MDGA1: variants seen among roughly 807,000 people sequenced by gnomAD.
The protein encoded by MDGA1 is MAM domain-containing glycosylphosphatidylinositol anchor protein 1.
A neutral mutation model predicts 101.5 loss-of-function variants in MDGA1; 54 were observed. The ratio of observed to expected loss-of-function variants is 0.53; its 90% CI spans 0.43 to 0.67. The LOEUF (loss-of-function observed/expected upper bound fraction) is 0.67, where lower values mean the gene tolerates loss of function less well. Among genes scored for constraint, MDGA1 ranks in the 30% least tolerant of loss-of-function variants. MDGA1 has a pLI of 0.00. For missense variants in MDGA1, 1,083 were observed against 1,323.8 expected (o/e 0.82, Z 2.82); for synonymous variants, 533 against 558.3 (o/e 0.95, Z 0.64).
intron 1 of MDGA1, among the ~76,000 whole-genome samples, chr6:37,667,732 C>T (rs1293147518): frequency 6.6e-6 from 1 of 152,224 alleles, no homozygotes; most frequent in Non-Finnish European, 1.5e-5. Context: ...ATCTTGGACA[C>T]TGTGGCTTGC....
Position 37,646,300 on chromosome 6 carries a change from G to T in MDGA1, c.2122C>A (p.Leu708Met). The T allele has an allele frequency of 6.3e-7, 1 of 1,599,918 alleles. No homozygotes were observed. Among genetic ancestry groups the T allele is most frequent in the Non-Finnish European group, 8.5e-7 (1 of 1,172,694 alleles). The change falls in exon 11 of 17, where the codon CTG becomes ATG. Residue 708 changes from leucine (L) to methionine (M), a missense_variant. Physicochemically the swap from Leu to Met is conservative, Grantham distance 15. Transcript: ENST00000434837. ...VEKGQLLEYI[L>M]TDLRVPHSYE... is the part of the protein sequence containing the mutation. ...CTGTGGGGCACACGGAGATCGGTCA[G>T]GATGTACTCCAGCAGCTGCCCCTTC...
rs61151079 is a variant in MDGA1, at chr6:37,632,331, C to CACGAGG, written c.*5036_*5037insCCTCGT. On this transcript the variant is annotated 3_prime_UTR_variant, in exon 17 of 17. Coordinates refer to ENST00000434837, the MANE Select transcript of MDGA1 (RefSeq NM_153487.4). Reference sequence around the variant, plus strand: ...TTGGTATTTGCTGAATGAACAAATGCACACAAGTTCACTGGGAGCAGACCA... The same window carrying CACGAGG: ...TTGGTATTTGCTGAATGAACAAATGCACGAGGACACAAGTTCACTGGGAGCAGACCA... 0.15 allele frequency: 23,506 copies of CACGAGG among 152,122 alleles called. 2,126 individuals carry two copies. Among genetic ancestry groups the CACGAGG allele is most frequent in the African/African-American group, 0.23 (9,477 of 41,442 alleles). 9.4% of individuals were successfully genotyped at this position (152,122 alleles called of 1,614,324 possible).
intron 11 of MDGA1, 107 bp from the exon 12 acceptor site, chr6:37,646,063 C>A (rs1761186271): frequency 1.3e-6 from 2 of 1,584,570 alleles, no homozygotes; most frequent in African/African-American, 2.7e-5. Context: ...GGACTGGGGG[C>A]CAGCGGATCT....
rs776359622 is a variant in MDGA1, at chr6:37,652,267, G to T, written c.1056C>A (p.Asp352Glu). 1 of 1,613,964 alleles carries T rather than the reference G, an allele frequency of 6.2e-7. No homozygotes were observed. The highest frequency in any genetic ancestry group is 8.5e-7 in the Non-Finnish European group (1 of 1,179,896). ...CATCCACGTGGCACGATAGCTTCAGGTCCTGGCCCAGCTGGATGTTCTCAC... is the reference window on the plus strand; with the variant it reads ...CATCCACGTGGCACGATAGCTTCAGTTCCTGGCCCAGCTGGATGTTCTCAC... ...KESENIQLGQ[D>E]LKLSCHVDAV... is the part of the protein sequence containing the mutation. The change falls in exon 7 of 17, where the codon GAC becomes GAA. Residue 352 changes from aspartate to glutamate, a missense_variant. By Grantham distance (45) the Asp-to-Glu change is conservative (BLOSUM62 2). Around this residue, in one of 3 missense-constraint regions of MDGA1, gnomAD observed 116 missense variants for 196.6 expected, o/e 0.59. Transcript: ENST00000434837. This position sits in a 1 kb window ranked among gnomAD's most constrained non-coding sequence, Gnocchi z 4.3.
At chr6:37,657,610 G>A (rs1761521228) in intron 3 of MDGA1, among the ~76,000 whole-genome samples, 1 of 152,210 alleles carries the variant, frequency 6.6e-6, no homozygotes, top group African/African-American at 2.4e-5. Flanking sequence ...CTAATAGGTA[G>A]GTTCATTATA....
At chr6:37,656,661 C>G (rs997257868) in intron 3 of MDGA1, among the ~76,000 whole-genome samples, 7 of 152,248 alleles carry the variant, frequency 4.6e-5, no homozygotes, top group African/African-American at 1.7e-4. Context: ...GTGTGAACCA[C>G]TGCATCCGGC....
chr6:37,666,262 A>G (rs1282617646), intron 1 of MDGA1, among the ~76,000 whole-genome samples: 1 of 150,828 alleles, frequency 6.6e-6, no homozygotes, highest in African/African-American at 2.4e-5. Context: ...CAGGAAGCTG[A>G]GGCAGGAGAA....
chr6:37,646,485 A>T, intron 10 of MDGA1, 110 bp from the exon 11 acceptor site: 3 of 884,260 alleles, frequency 3.4e-6, no homozygotes, highest in Non-Finnish European at 4.7e-6. Flanking sequence ...GGCTGTCTTC[A>T]TAATAAAAAT....
At chr6:37,669,335 GGAT>G (rs1478583002) in intron 1 of MDGA1, among the ~76,000 whole-genome samples, 2 of 152,084 alleles carry the variant, frequency 1.3e-5, no homozygotes, top group Non-Finnish European at 2.9e-5. Context: ...CACTGTCCTG[GGAT>G]GATATTAACC....
At chr6:37,664,688 C>T (rs1761705309) in intron 1 of MDGA1, among the ~76,000 whole-genome samples, 1 of 148,154 alleles carries the variant, frequency 6.7e-6, no homozygotes, top group Non-Finnish European at 1.5e-5. Context: ...TGGAAACAGG[C>T]TGAGACTAAG....
At chr6:37,675,580 A>T (rs1761962037) in intron 1 of MDGA1, among the ~76,000 whole-genome samples, 1 of 152,190 alleles carries the variant, frequency 6.6e-6, no homozygotes, top group South Asian at 2.1e-4. Context: ...GGTGGGCTGA[A>T]AGTAGTAATA....
In MDGA1 at chr6:37,638,615, G is replaced by C. The variant is rs371073924; in HGVS notation, c.2589C>G (p.His863Gln). 1.9e-6 allele frequency: 3 copies of C among 1,613,950 alleles called. No homozygotes were observed. The highest frequency in any genetic ancestry group is 8.5e-7 in the Non-Finnish European group (1 of 1,179,864). Residue 863 changes from histidine to glutamine, a missense_variant, in exon 15 of 17, where the codon CAC becomes CAG. His to Gln is a conservative substitution (Grantham distance 24). This residue lies in a region of MDGA1 where 657 missense variants were observed against 771.4 expected (regional missense o/e 0.85). Transcript: ENST00000434837. This position sits in a 1 kb window ranked among gnomAD's most constrained non-coding sequence, Gnocchi z 4.8. Reference sequence around the variant, plus strand: ...CCTTATTGCCACTGAGAGACCAGGCGTGCGTGTCCAGAGCCCCTTTGTTCC... The same window carrying C: ...CCTTATTGCCACTGAGAGACCAGGCCTGCGTGTCCAGAGCCCCTTTGTTCC... ...RSRNKGALDT[H>Q]AWSLSGNKGN...
intron 1 of MDGA1, among the ~76,000 whole-genome samples, chr6:37,681,003 C>A (rs115040875): frequency 0.088 from 13,418 of 152,018 alleles, 635 homozygotes; most frequent in Middle Eastern, 0.15. Context: ...TCAGCCCCCC[C>A]CCCCCAGGAA....
chr6:37,657,908 T>C (rs1041384352), intron 3 of MDGA1, among the ~76,000 whole-genome samples: 1 of 151,900 alleles, frequency 6.6e-6, no homozygotes, highest in Non-Finnish European at 1.5e-5. Context: ...GGAAGAGATC[T>C]GTGTCTTCCT....
intron 1 of MDGA1, among the ~76,000 whole-genome samples, chr6:37,693,362 G>A (rs373030576): frequency 2.0e-5 from 3 of 152,200 alleles, no homozygotes; most frequent in African/African-American, 7.2e-5. Flanking sequence ...TGTAAGCTGT[G>A]TTGCTCTTGT....
At chr6:37,663,817 CCTG>C in intron 2 of MDGA1, 147 bp downstream of exon 2, 1 of 853,882 alleles carries the variant, frequency 1.2e-6, no homozygotes, top group Non-Finnish European at 1.8e-6. Flanking sequence ...AGTTAATTTT[CCTG>C]CTATTTCCCC....
In MDGA1 at chr6:37,670,869, C is replaced by T. The variant is rs143504547; in HGVS notation, c.68-6763G>A. Reference sequence around the variant, plus strand: ...GGAAGAGGAACCGTCTTGTCCAAGTCACTCACTGAGACAGCAGCACAGCCG... The same window carrying T: ...GGAAGAGGAACCGTCTTGTCCAAGTTACTCACTGAGACAGCAGCACAGCCG... On this transcript the variant is annotated intron_variant, in intron 1 of 16. Transcript: ENST00000434837. 8.1e-4 allele frequency among the ~76,000 whole-genome samples: 123 copies of T among 152,334 alleles called. 1 individual carries two copies. Among genetic ancestry groups the T allele is most frequent in the African/African-American group, 2.8e-3 (115 of 41,582 alleles).
At chr6:37,688,453 A>C (rs1475984009) in intron 1 of MDGA1, among the ~76,000 whole-genome samples, 2 of 152,136 alleles carry the variant, frequency 1.3e-5, no homozygotes, top group Non-Finnish European at 2.9e-5. Context: ...CTGGGGTGGA[A>C]TCTTCAAAGC....
chr6:37,654,975 C>G (rs766166864), intron 4 of MDGA1, 43 bp from the exon 5 acceptor site: 2 of 1,606,580 alleles, frequency 1.2e-6, no homozygotes, highest in South Asian at 1.1e-5. Flanking sequence ...CTGCTTGAGT[C>G]TCCAGGGATC....
Sources: allele counts gnomAD v4.1 joint callset (sites outside exome capture counted in the v4.1 genomes callset), GRCh38; gene constraint gnomAD v4.1.1; regional missense constraint gnomAD v4.1.1; non-coding constraint Gnocchi (gnomAD v3.1); transcripts MANE v1.5; gene names NCBI Gene and HGNC (gene_info 2026-07-23, HGNC 2026-07-21).